MCPH1: variants seen among roughly 807,000 people sequenced by gnomAD.
The protein encoded by MCPH1 is microcephalin.
Under a neutral mutation model 84.5 loss-of-function variants are expected in MCPH1, and 104 were observed. The ratio of observed to expected loss-of-function variants is 1.23; its 90% CI spans 1.05 to 1.45. The LOEUF is 1.45. MCPH1 is among the 40% of genes most tolerant of loss of function. The pLI, the probability that MCPH1 is intolerant of heterozygous loss-of-function variation, is 0.00. For missense variants in MCPH1, 1,498 were observed against 1,005.7 expected (o/e 1.49, Z -6.62); for synonymous variants, 514 against 366.8 (o/e 1.40, Z -4.58).
intron 13 of MCPH1, chr8:6,626,079 CA>C (rs1832046573): frequency 3.0e-6 from 3 of 985,404 alleles, no homozygotes; most frequent in Non-Finnish European, 3.6e-6. Context: ...GTCTGCCTCT[CA>C]AGACCAACAA....
At chr8:6,529,371 G>A (rs889238794) in intron 12 of MCPH1, among the ~76,000 whole-genome samples, 1 of 151,936 alleles carries the variant, frequency 6.6e-6, no homozygotes, top group African/African-American at 2.4e-5. Flanking sequence ...CACAAAATCA[G>A]TAACTGCTCA....
At chr8:6,452,211 C>G (rs1265629597) in intron 8 of MCPH1, among the ~76,000 whole-genome samples, 1 of 152,198 alleles carries the variant, frequency 6.6e-6, no homozygotes, top group East Asian at 1.9e-4. Context: ...CCCTCAGTAT[C>G]AATACTTTTC....
chr8:6,621,627 C>A lies in MCPH1; in HGVS notation c.2388C>A (p.Val796=). Reference sequence around the variant, plus strand: ...AAGTCCCCCGCCAGGCCAGCATCGTCATCGGGCCCTACAGCGGAAAGAAGA... The same window carrying A: ...AAGTCCCCCGCCAGGCCAGCATCGTAATCGGGCCCTACAGCGGAAAGAAGA... ...VSQVPRQASI[V]IGPYSGKKKA... is the part of the protein sequence containing the mutation. The change falls in exon 13 of 14, where the codon GTC becomes GTA. Residue 796 remains valine (V), a synonymous_variant. Coordinates refer to ENST00000344683, the MANE Select transcript of MCPH1 (RefSeq NM_024596.5). The A allele has an allele frequency of 6.2e-7, 1 of 1,614,234 alleles. No individual in the cohort carries two copies. Among genetic ancestry groups the A allele is most frequent in the Non-Finnish European group, 8.5e-7 (1 of 1,180,042 alleles).
chr8:6,613,744 C>T (rs1439515861), intron 12 of MCPH1, among the ~76,000 whole-genome samples: 2 of 151,930 alleles, frequency 1.3e-5, no homozygotes, highest in Non-Finnish European at 2.9e-5. Flanking sequence ...ACAGTAACAG[C>T]GAGGTTGAAG....
intron 13 of MCPH1, among the ~76,000 whole-genome samples, chr8:6,622,630 G>A (rs1212967700): frequency 6.6e-6 from 1 of 152,204 alleles, no homozygotes; most frequent in Non-Finnish European, 1.5e-5. Context: ...AGTTCTGGAG[G>A]CTGGAAGTCT....
chr8:6,519,750 A>T, intron 12 of MCPH1: 2 of 1,359,862 alleles, frequency 1.5e-6, no homozygotes, highest in Non-Finnish European at 2.0e-6. Context: ...ATGGCTTTGT[A>T]CTGTGTGAGG....
intron 6 of MCPH1, among the ~76,000 whole-genome samples, chr8:6,441,866 C>G (rs143881352): frequency 5.1e-4 from 77 of 152,320 alleles, no homozygotes; most frequent in African/African-American, 1.8e-3. Context: ...AATAAGAAGA[C>G]TAGAACAGAC....
intron 12 of MCPH1, among the ~76,000 whole-genome samples, chr8:6,612,844 G>T (rs1294965949): frequency 6.6e-6 from 1 of 152,280 alleles, no homozygotes; most frequent in Admixed American, 6.5e-5. Context: ...AAGGCAGAGC[G>T]TGTGAGTTTA....
rs547722865 is a variant in MCPH1 at position 6,539,735 on chromosome 8, C to T, written c.2214+39806C>T. Among the ~76,000 whole-genome samples, 5 of 152,278 alleles carry T rather than the reference C, an allele frequency of 3.3e-5. No homozygotes were observed. In the South Asian group the frequency reaches 1.0e-3, roughly 32 times the overall value. On this transcript the variant is annotated intron_variant, in intron 12 of 13. Coordinates refer to ENST00000344683, the MANE Select transcript of MCPH1 (RefSeq NM_024596.5). ...CCAAGTAGCTGGGGTTACAGGCGCACACCACCATGCCTGGGAAATTTTTGT... is the reference window on the plus strand; with the variant it reads ...CCAAGTAGCTGGGGTTACAGGCGCATACCACCATGCCTGGGAAATTTTTGT...
chr8:6,600,619 C>G (rs1196761218), intron 12 of MCPH1, among the ~76,000 whole-genome samples: 1 of 152,186 alleles, frequency 6.6e-6, no homozygotes, highest in African/African-American at 2.4e-5. Flanking sequence ...ATACATGTGA[C>G]AAGAGAAAAA....
chr8:6,544,732 A>G (rs1036918573), intron 12 of MCPH1, among the ~76,000 whole-genome samples: 6 of 152,206 alleles, frequency 3.9e-5, no homozygotes, highest in Non-Finnish European at 5.9e-5. Flanking sequence ...CATTAAGATA[A>G]AGACACAGAT....
chr8:6,520,329 C>T (rs2442621), intron 12 of MCPH1, among the ~76,000 whole-genome samples: 10,868 of 152,166 alleles, frequency 0.071, 476 homozygotes, highest in African/African-American at 0.12. Flanking sequence ...TCATCTTGAG[C>T]AGAATAGGGT....
At chr8:6,445,674 T>C in intron 8 of MCPH1, 127 bp downstream of exon 8, 4 of 1,449,216 alleles carry the variant, frequency 2.8e-6, no homozygotes, top group East Asian at 2.5e-5. Context: ...ACTTAAAGAA[T>C]GTGCATTTGA....
Position 6,444,434 on chromosome 8 carries a change from C to G in MCPH1, c.712C>G (p.Leu238Val). 7 of 1,614,090 alleles carry G rather than the reference C, an allele frequency of 4.3e-6. No homozygotes were observed. The highest frequency in any genetic ancestry group is 1.1e-5 in the South Asian group (1 of 91,078). ...AGGLHSSFDD[L>V]CGNSGCGNQE... ...TGGCTTACACTCATCTTTTGATGAT[C>G]TTTGTGGAAACTCAGGATGTGGAAA... Residue 238 changes from leucine to valine, a missense_variant, in exon 8 of 14, where the codon CTT becomes GTT. Coordinates refer to ENST00000344683, the MANE Select transcript of MCPH1 (RefSeq NM_024596.5).
rs117312799 is a variant in MCPH1 at position 6,647,806 on chromosome 8, A to C, written c.*4757A>C. The C allele has an allele frequency of 6.6e-6, 1 of 152,274 alleles. No individual in the cohort carries two copies. Among genetic ancestry groups the C allele is most frequent in the African/African-American group, 2.4e-5 (1 of 41,470 alleles). The allele number at this position is 152,274 out of a possible 1,614,324, so 9.4% of individuals were successfully genotyped here. On this transcript the variant is annotated 3_prime_UTR_variant, in exon 14 of 14. Transcript: ENST00000344683. ...CATTTTGGGATGATGGAAACATTCT[A>C]AAACTGGATTGTGATTTTGGTTACA...
intron 12 of MCPH1, among the ~76,000 whole-genome samples, chr8:6,550,412 C>T (rs981534342): frequency 1.3e-5 from 2 of 152,240 alleles, no homozygotes; most frequent in African/African-American, 4.8e-5. Flanking sequence ...CCCGTCTCTA[C>T]AGCCGCTTGT....
At position 6,478,726 on chromosome 8, in the gene MCPH1, CTTTTTG is replaced by C. The variant is rs532690207; in HGVS notation, c.1973+1112_1973+1117del. ...GGAGTGTGTAGTTTAGAGCTTTTTA[CTTTTTG>C]TTTTTGTTTTTGTTTTCTTTTATCA... On this transcript the variant is annotated intron_variant, in intron 10 of 13. Transcript: ENST00000344683. 6.2e-3 allele frequency among the ~76,000 whole-genome samples: 941 copies of C among 152,234 alleles called. 48 individuals carry two copies. Among genetic ancestry groups the C allele is most frequent in the Admixed American group, 0.056 (857 of 15,278 alleles).
At chr8:6,618,422 T>C (rs904218900) in intron 12 of MCPH1, 1 of 152,208 alleles carries the variant, frequency 6.6e-6, no homozygotes, top group Admixed American at 6.5e-5. Context: ...ATCCTAAACA[T>C]TCGAGAGGTT....
chr8:6,625,699 G>C, intron 13 of MCPH1: 1 of 981,550 alleles, frequency 1.0e-6, no homozygotes, highest in South Asian at 4.7e-5. Context: ...TGGGAGCTTG[G>C]CTTGAGCCCA....
Sources: allele counts gnomAD v4.1 joint callset (sites outside exome capture counted in the v4.1 genomes callset), GRCh38; gene constraint gnomAD v4.1.1; transcripts MANE v1.5; gene names NCBI Gene and HGNC (gene_info 2026-07-23, HGNC 2026-07-21).